Variants in PSG2 observed in about 807,000 individuals in gnomAD.
The protein encoded by PSG2 is pregnancy-specific beta-1-glycoprotein 2.
In PSG2, 49 loss-of-function variants were observed where a neutral mutation model predicts 36.2. The ratio of observed to expected loss-of-function variants is 1.35; its 90% CI spans 1.08 to 1.72. The LOEUF is 1.72. Among genes scored for constraint, PSG2 ranks in the 40% most tolerant of loss-of-function variants. PSG2 has a pLI of 0.00. For missense variants in PSG2, 605 were observed against 407.2 expected (o/e 1.49, Z -4.18); for synonymous variants, 261 against 155.6 (o/e 1.68, Z -5.04).
At position 43,071,899 on chromosome 19, in the gene PSG2, A is replaced by T; in HGVS notation, c.765T>A (p.Asp255Glu). Reference sequence around the variant, plus strand: ...TCGCGAAGCAAGACAAGTAGAGGTTATCTCCTGAACGGTAATTGGTGTATG... The same window carrying T: ...TCGCGAAGCAAGACAAGTAGAGGTTTTCTCCTGAACGGTAATTGGTGTATG... The part of the protein sequence containing the change: ...HPSYTNYRSG[D>E]NLYLSCFANS... Residue 255 changes from aspartate (D) to glutamate (E), a missense_variant, in exon 4 of 6, where the codon GAT (aspartate) becomes GAA (glutamate). Physicochemically the swap from Asp to Glu is conservative, Grantham distance 45. Transcript: ENST00000406487. The T allele has an allele frequency of 6.2e-7, 1 of 1,612,822 alleles. No individual in the cohort carries two copies. Among genetic ancestry groups the T allele is most frequent in the Non-Finnish European group, 8.5e-7 (1 of 1,179,310 alleles).
chr19:43,081,134 G>T lies in PSG2; in HGVS notation c.177C>A (p.Pro59=). 6.2e-7 allele frequency: 1 copy of T among 1,612,776 alleles called. No homozygotes were observed. The highest frequency in any genetic ancestry group is 8.5e-7 in the Non-Finnish European group (1 of 1,179,654). The part of the protein sequence containing the change: ...KDVLLLVHNL[P]QNLTGYIWYK... The stretch of plus-strand genomic sequence containing the variant: ...ACCAGATGTAGCCAGTAAGATTCTG[G>T]GGCAAATTGTGGACAAGTAGAAGAA... Residue 59 remains proline, a synonymous_variant, in exon 2 of 6, where the codon CCC becomes CCA. Coordinates refer to ENST00000406487, the MANE Select transcript of PSG2 (RefSeq NM_031246.4).
Position 43,079,082 on chromosome 19 carries a change from T to C in PSG2, c.430+1799A>G, listed in dbSNP as rs146438104. ...AAGGGAACAGAACAGCCAGCCTAGT[T>C]AGAGGGAGTGTCTGGGGAAGGCCTA... On this transcript the variant is annotated intron_variant, in intron 2 of 5. Transcript: ENST00000406487. Among the ~76,000 whole-genome samples the C allele has an allele frequency of 5.0e-3, 759 of 151,626 alleles. 29 individuals carry two copies. The highest frequency in any genetic ancestry group is 0.017 in the African/African-American group (713 of 41,090).
chr19:43,078,270 C>T (rs1048304290), intron 2 of PSG2, among the ~76,000 whole-genome samples: 4 of 151,648 alleles, frequency 2.6e-5, no homozygotes, highest in African/African-American at 9.7e-5. Context: ...TTACTTTGCC[C>T]AGGGACGGCC....
chr19:43,073,585 G>A (rs866931444), intron 3 of PSG2, among the ~76,000 whole-genome samples: 1 of 151,864 alleles, frequency 6.6e-6, no homozygotes, highest in South Asian at 2.1e-4. Flanking sequence ...AATCTACTCT[G>A]TGATTCCCTG....
chr19:43,082,041 T>C (rs1967984545), intron 1 of PSG2: 1 of 154,638 alleles, frequency 6.5e-6, no homozygotes, highest in Non-Finnish European at 1.4e-5. Flanking sequence ...TTTTCCTGTT[T>C]TGACCCCTGT....
intron 3 of PSG2, among the ~76,000 whole-genome samples, chr19:43,073,681 G>C (rs1024168426): frequency 6.6e-6 from 1 of 151,584 alleles, no homozygotes; most frequent in Non-Finnish European, 1.5e-5. Context: ...CTGGGAGTGG[G>C]GAGAATCAGA....
At chr19:43,066,739 G>A (rs1013718541) in intron 4 of PSG2, 139 bp from the exon 5 acceptor site, 16 of 1,347,188 alleles carry the variant, frequency 1.2e-5, no homozygotes, top group Non-Finnish European at 1.5e-5. Flanking sequence ...AATATTGATG[G>A]GAGATGATTA....
chr19:43,070,803 T>G (rs1462477432), intron 4 of PSG2, among the ~76,000 whole-genome samples: 1 of 151,626 alleles, frequency 6.6e-6, no homozygotes, highest in Non-Finnish European at 1.5e-5. Context: ...AATTGCACAC[T>G]TAGAAATAGC....
intron 5 of PSG2, 25 bp downstream of exon 5, chr19:43,066,492 A>C: frequency 1.4e-6 from 2 of 1,475,224 alleles, no homozygotes; most frequent in Non-Finnish European, 1.9e-6. Context: ...TGCAGGAACC[A>C]GGATAAGAGA....
rs139224088 is a variant in PSG2, at chr19:43,079,426, T to A, written c.430+1455A>T. Among the ~76,000 whole-genome samples the A allele has an allele frequency of 9.3e-4, 141 of 151,630 alleles. 5 individuals carry two copies. Among genetic ancestry groups the A allele is most frequent in the African/African-American group, 3.4e-3 (141 of 41,080 alleles). On this transcript the variant is annotated intron_variant, in intron 2 of 5. Transcript: ENST00000406487. ...AGGGACAGGTGTGGCTAGGACCTCC[T>A]AGGATTCTGCATCCAACATCCAGTC...
chr19:43,069,992 A>C (rs1018331066), intron 4 of PSG2, among the ~76,000 whole-genome samples: 1 of 151,786 alleles, frequency 6.6e-6, no homozygotes, highest in African/African-American at 2.4e-5. Flanking sequence ...AACAACAGCA[A>C]ACATCCGAAA....
intron 4 of PSG2, among the ~76,000 whole-genome samples, chr19:43,069,361 C>T (rs549312561): frequency 2.0e-5 from 3 of 151,722 alleles, no homozygotes; most frequent in East Asian, 1.9e-4. Context: ...AAACAAAAAT[C>T]TGTCCTAAAA....
chr19:43,066,631 G>A (rs1409304386), intron 4 of PSG2, 31 bp from the exon 5 acceptor site: 1 of 1,562,464 alleles, frequency 6.4e-7, no homozygotes, highest in South Asian at 1.1e-5. Context: ...AAGAAGGAAT[G>A]AAGGTGATGT....
At chr19:43,081,393 ACACAC>A in intron 1 of PSG2, 147 bp from the exon 2 acceptor site, 6 of 1,272,708 alleles carry the variant, frequency 4.7e-6, no homozygotes, top group African/African-American at 1.6e-5. Flanking sequence ...ACACACACAC[ACACAC>A]AAAAGGGGCA....
intron 3 of PSG2, chr19:43,072,580 C>A (rs1430827168): frequency 6.2e-7 from 1 of 1,611,288 alleles, no homozygotes; most frequent in Non-Finnish European, 8.5e-7. Context: ...CATCCTTATT[C>A]TCCCTGGGGT....
chr19:43,072,907 A>T (rs1417076390), intron 3 of PSG2, among the ~76,000 whole-genome samples: 3 of 151,718 alleles, frequency 2.0e-5, no homozygotes, highest in East Asian at 1.9e-4. Context: ...TCACAGCCCC[A>T]GTACCCCTCC....
intron 1 of PSG2, chr19:43,081,878 G>C (rs758837667): frequency 6.4e-6 from 1 of 155,380 alleles, no homozygotes; most frequent in Admixed American, 6.4e-5. Flanking sequence ...TTTTTGCTGA[G>C]GACAGTGTTT....
intron 4 of PSG2, among the ~76,000 whole-genome samples, chr19:43,069,258 C>T (rs1434808005): frequency 6.6e-6 from 1 of 151,548 alleles, no homozygotes; most frequent in Non-Finnish European, 1.5e-5. Context: ...AATTGGAAGA[C>T]TCAATATTGT....
At position 43,064,996 on chromosome 19, in the gene PSG2, T is replaced by A. The variant is rs1402749751; in HGVS notation, c.*41-395A>T. Among the ~76,000 whole-genome samples the A allele has an allele frequency of 6.6e-5, 10 of 151,624 alleles. No individual in the cohort carries two copies. The East Asian group carries it at 1.4e-3, about 21-fold the overall frequency. On this transcript the variant is annotated intron_variant, in intron 5 of 5. Coordinates refer to ENST00000406487, the MANE Select transcript of PSG2 (RefSeq NM_031246.4). The stretch of plus-strand genomic sequence containing the variant: ...ACAGGTGCCTGCCACCACACCCGGC[T>A]AATTTTGTTTTTGCATTTTTAGTAG...
Sources: gnomAD v4.1 joint callset for allele counts (sites outside exome capture counted in the v4.1 genomes callset) on GRCh38, gnomAD v4.1.1 for gene constraint, MANE v1.5 for transcripts, NCBI Gene and HGNC (gene_info 2026-07-23, HGNC 2026-07-21) for gene names.